The following PDE8B variants were observed in gnomAD, a reference collection of about 807,000 sequenced individuals.
PDE8B encodes the protein phosphodiesterase 8B.
PDE8B carries 26 observed loss-of-function variants against 101.3 expected under a neutral mutation model. The observed-to-expected ratio is 0.26, with a 90% CI of 0.19 to 0.36. The LOEUF is 0.36. PDE8B is among the 10% of genes least tolerant of loss of function. The probability of loss-of-function intolerance (pLI) is 1.00; values close to 1 mark genes in which losing one functional copy is unlikely to be tolerated. For missense variants in PDE8B, 810 were observed against 1,163.1 expected, an observed-to-expected ratio of 0.70 and a Z score of 4.42; for synonymous variants, 424 against 429.3, an observed-to-expected ratio of 0.99 and a Z score of 0.15.
the PDE8B span, among the ~76,000 whole-genome samples, chr5:77,108,400 G>A: frequency 2.0e-5 from 3 of 152,008 alleles, no homozygotes; most frequent in Non-Finnish European, 2.9e-5. Context: ...ATATATTAAT[G>A]CAGGCCAGGC....
intron 1 of PDE8B, among the ~76,000 whole-genome samples, chr5:77,268,843 TGG>T (rs1762237342): frequency 2.0e-5 from 3 of 150,318 alleles, no homozygotes; most frequent in Admixed American, 1.3e-4. Flanking sequence ...TAAAGAAATG[TGG>T]TAACATTTTC....
chr5:77,173,828 G>A, the PDE8B span, among the ~76,000 whole-genome samples: 1 of 152,046 alleles, frequency 6.6e-6, no homozygotes, highest in Admixed American at 6.5e-5. Flanking sequence ...CGGGGGTGGT[G>A]GTGCGTGGCA....
At chr5:77,160,561 T>C in the PDE8B span, among the ~76,000 whole-genome samples, 1 of 152,212 alleles carries the variant, frequency 6.6e-6, no homozygotes, top group Non-Finnish European at 1.5e-5. Context: ...CTTTTTCATA[T>C]TTATTGTCTG....
At chr5:77,244,148 G>A (rs939016672) in intron 1 of PDE8B, among the ~76,000 whole-genome samples, 2 of 152,102 alleles carry the variant, frequency 1.3e-5, no homozygotes, top group African/African-American at 4.8e-5. Flanking sequence ...ACCCAGGCTT[G>A]AAGATCGTAG....
upstream of PDE8B, among the ~76,000 whole-genome samples, chr5:77,209,903 C>A (rs1012728980): frequency 2.0e-5 from 3 of 152,216 alleles, no homozygotes; most frequent in African/African-American, 7.2e-5. Flanking sequence ...GGCCTCCCAT[C>A]CCTTGGCACA....
chr5:77,174,716 A>C, the PDE8B span, among the ~76,000 whole-genome samples: 1 of 152,084 alleles, frequency 6.6e-6, no homozygotes, highest in Non-Finnish European at 1.5e-5. Context: ...GACCTTGAAG[A>C]GTTGGCAGAC....
At chr5:77,194,549 T>C in the PDE8B span, among the ~76,000 whole-genome samples, 1 of 152,178 alleles carries the variant, frequency 6.6e-6, no homozygotes, top group East Asian at 1.9e-4. Context: ...GGAATTTTTT[T>C]AATCACTCCA....
chr5:77,215,191 T>G (rs1263083672), intron 1 of PDE8B, among the ~76,000 whole-genome samples: 1 of 152,190 alleles, frequency 6.6e-6, no homozygotes, highest in Non-Finnish European at 1.5e-5. Context: ...AGGATCCTTT[T>G]GGGTTTGTAC....
chr5:77,156,344 G>A, the PDE8B span, among the ~76,000 whole-genome samples: 7 of 152,200 alleles, frequency 4.6e-5, no homozygotes, highest in African/African-American at 1.4e-4. Flanking sequence ...GACTCAGAGA[G>A]GGGAATGAAC....
At chr5:77,152,593 G>C in the PDE8B span, among the ~76,000 whole-genome samples, 1 of 152,196 alleles carries the variant, frequency 6.6e-6, no homozygotes, top group Non-Finnish European at 1.5e-5. Context: ...ATGTGGGTGT[G>C]TAAGCCCCAC....
the PDE8B span, among the ~76,000 whole-genome samples, chr5:77,124,978 C>T: frequency 3.3e-5 from 5 of 152,082 alleles, no homozygotes; most frequent in Admixed American, 6.6e-5. Flanking sequence ...TTAGGATTTT[C>T]ACGTTGTTTT....
At chr5:77,252,775 A>G (rs1467671417) in intron 1 of PDE8B, among the ~76,000 whole-genome samples, 2 of 152,138 alleles carry the variant, frequency 1.3e-5, no homozygotes, top group Non-Finnish European at 2.9e-5. Context: ...GGCTTTTTTG[A>G]TGAGTAGAAC....
the PDE8B span, chr5:77,141,236 C>A: frequency 6.6e-6 from 1 of 152,020 alleles, no homozygotes; most frequent in African/African-American, 2.4e-5. Flanking sequence ...TTTACCAAAT[C>A]AAGAGAGTAA....
the PDE8B span, among the ~76,000 whole-genome samples, chr5:77,099,943 G>C: frequency 6.6e-6 from 1 of 152,138 alleles, no homozygotes; most frequent in South Asian, 2.1e-4. Context: ...TGGAATGAGA[G>C]GAAAATACTG....
At chr5:77,302,157 T>G (rs1770100394) in intron 1 of PDE8B, among the ~76,000 whole-genome samples, 2 of 152,220 alleles carry the variant, frequency 1.3e-5, no homozygotes, top group African/African-American at 4.8e-5. Context: ...CAGCCAAGTT[T>G]TCTGTGTTTA....
intron 1 of PDE8B, among the ~76,000 whole-genome samples, chr5:77,295,410 CT>C (rs1447344436): frequency 2.6e-5 from 4 of 152,168 alleles, no homozygotes; most frequent in African/African-American, 9.7e-5. Flanking sequence ...AGACCCCTGG[CT>C]TTCTCAGAAT....
At chr5:77,205,119 G>T in the PDE8B span, among the ~76,000 whole-genome samples, 1 of 152,048 alleles carries the variant, frequency 6.6e-6, no homozygotes, top group African/African-American at 2.4e-5. Flanking sequence ...GATCACTTTT[G>T]TACTATGCAG....
In PDE8B at chr5:77,378,048, A is replaced by ACACACACC. The variant is rs1347483439; in HGVS notation, c.1168-22199_1168-22198insACACACCC. ...CACACACACACACACACACACACAC[A>ACACACACC]CCCCCTGTTGGTTCTTTGTCTAGAG... On this transcript the variant is annotated intron_variant, in intron 10 of 21. Coordinates refer to ENST00000264917, the MANE Select transcript of PDE8B (RefSeq NM_003719.5). 1.3e-4 allele frequency among the ~76,000 whole-genome samples: 12 copies of ACACACACC among 93,950 alleles called. No individual in the cohort carries two copies. The South Asian group carries it at 2.1e-3, about 16-fold the overall frequency. 61.6% of individuals were successfully genotyped at this position (93,950 alleles called of 152,430 possible).
At chr5:77,355,051 GC>G (rs780926002) in intron 10 of PDE8B, among the ~76,000 whole-genome samples, 37 of 152,340 alleles carry the variant, frequency 2.4e-4, no homozygotes, top group Non-Finnish European at 5.1e-4. Context: ...AGGCCCTCAA[GC>G]TGGTGGCTAG....
Sources: gnomAD v4.1 joint callset for allele counts (sites outside exome capture counted in the v4.1 genomes callset) on GRCh38, gnomAD v4.1.1 for gene constraint, MANE v1.5 for transcripts, NCBI Gene and HGNC (gene_info 2026-07-23, HGNC 2026-07-21) for gene names.